Variants in WDR18 observed in about 807,000 individuals in gnomAD.
WDR18 encodes WD repeat domain 18, also known as WD repeat-containing protein 18.
A neutral mutation model predicts 49.6 loss-of-function variants in WDR18; 33 were observed. The observed-to-expected ratio is 0.67, with a 90% CI of 0.50 to 0.89. WDR18 has a LOEUF of 0.89. Ranked by LOEUF, WDR18 falls within the 40% of genes least tolerant of loss-of-function variation. The probability of loss-of-function intolerance (pLI) is 0.00; values close to 1 mark genes in which losing one functional copy is unlikely to be tolerated. For synonymous variants in WDR18, 315 were observed against 263.6 expected, an observed-to-expected ratio of 1.19 and a Z score of -1.89; for missense variants, 653 against 593.6, an observed-to-expected ratio of 1.10 and a Z score of -1.04.
intron 8 of WDR18, among the ~76,000 whole-genome samples, chr19:993,708 G>A (rs1020769826): frequency 7.8e-6 from 1 of 128,648 alleles, no homozygotes; most frequent in Admixed American, 7.9e-5. Flanking sequence ...CTGGGCTTGC[G>A]GGTCCTTCCA....
intron 8 of WDR18, among the ~76,000 whole-genome samples, chr19:992,935 C>T (rs1181208301): frequency 2.0e-5 from 3 of 152,372 alleles, no homozygotes; most frequent in Non-Finnish European, 2.9e-5. Flanking sequence ...ATTTTTTTAT[C>T]TGGAGGGTGC....
At chr19:989,625 C>A in intron 2 of WDR18, 137 bp from the exon 3 acceptor site, 1 of 1,299,114 alleles carries the variant, frequency 7.7e-7, no homozygotes, top group Non-Finnish European at 1.0e-6. Flanking sequence ...CAGGGTCACC[C>A]CGCAGTCCTG....
In WDR18 at chr19:991,356, G is replaced by C. The variant is rs1260213363; in HGVS notation, c.931+5G>C. 6.5e-7 allele frequency: 1 copy of C among 1,548,640 alleles called. No homozygotes were observed. The highest frequency in any genetic ancestry group is 1.4e-5 in the African/African-American group (1 of 72,752). ...TCCGGACGGTGGCCCTCAAAGGTGG[G>C]CGCGCCTCTGCTCGGCCCGCGGCCA... On this transcript the variant is annotated splice_donor_5th_base_variant and intron_variant, in intron 7 of 9. Transcript: ENST00000585809.
chr19:989,968 C>G, intron 3 of WDR18, 73 bp downstream of exon 3: 2 of 1,526,690 alleles, frequency 1.3e-6, no homozygotes, highest in African/African-American at 1.4e-5. Flanking sequence ...GGCGCCAAGG[C>G]CCCTGGCGGG....
chr19:991,401 A>G, intron 7 of WDR18, 50 bp downstream of exon 7: 1 of 1,293,480 alleles, frequency 7.7e-7, no homozygotes. Flanking sequence ...GGAAAAAGCC[A>G]GCAGGAGCTC....
chr19:993,395 C>T (rs376169937), intron 8 of WDR18, among the ~76,000 whole-genome samples: 1 of 152,246 alleles, frequency 6.6e-6, no homozygotes, highest in African/African-American at 2.4e-5. Flanking sequence ...ATGCCGCCAC[C>T]TTTCCCTAGC....
At chr19:983,776 A>C (rs1386986829), upstream of WDR18, among the ~76,000 whole-genome samples, 1 of 151,030 alleles carries the variant, frequency 6.6e-6, no homozygotes, top group Non-Finnish European at 1.5e-5. Context: ...GCGGTGGCTC[A>C]CGCCTGTAAT....
intron 2 of WDR18, among the ~76,000 whole-genome samples, chr19:986,511 C>A (rs545627801): frequency 6.6e-6 from 1 of 152,294 alleles, no homozygotes; most frequent in South Asian, 2.1e-4. Flanking sequence ...TCAGGTGATC[C>A]ACCCGCCTCG....
chr19:990,266 G>T lies in WDR18; in HGVS notation c.499G>T (p.Val167Phe). ...DPSRIPAPRH[V>F]WSHHALPITD... ...CTCCAGGATTCCGGCGCCCAGGCACGTCTGGTCTCACCACGCGCTCCCCAT... is the reference window on the plus strand; with the variant it reads ...CTCCAGGATTCCGGCGCCCAGGCACTTCTGGTCTCACCACGCGCTCCCCAT... The change falls in exon 4 of 10, where the codon GTC (valine) becomes TTC (phenylalanine). Residue 167 changes from valine (V) to phenylalanine (F), a missense_variant. Val to Phe is a conservative substitution (Grantham distance 50, BLOSUM62 -1). Coordinates refer to ENST00000585809, the MANE Select transcript of WDR18 (RefSeq NM_024100.4). 6.3e-7 allele frequency: 1 copy of T among 1,599,374 alleles called. No homozygotes were observed.
intron 1 of WDR18, among the ~76,000 whole-genome samples, chr19:985,512 C>G (rs1242888439): frequency 6.6e-6 from 1 of 152,082 alleles, no homozygotes; most frequent in Non-Finnish European, 1.5e-5. Flanking sequence ...GGCTTGGGGT[C>G]TTAGGTTGGA....
At chr19:989,285 C>A (rs981589049) in intron 2 of WDR18, among the ~76,000 whole-genome samples, 9 of 151,960 alleles carry the variant, frequency 5.9e-5, no homozygotes, top group East Asian at 3.9e-4. Flanking sequence ...TCCCTGTCCT[C>A]TTCCTCAGAT....
chr19:991,002 G>T lies in WDR18; in HGVS notation c.741+7G>T, dbSNP rs1392126846. Reference sequence around the variant, plus strand: ...GGTCGACCTCTTCACCTGGGTGAGTGCCGCGGTCTGCGGGCTGCACCCTGC... The same window carrying T: ...GGTCGACCTCTTCACCTGGGTGAGTTCCGCGGTCTGCGGGCTGCACCCTGC... On this transcript the variant is annotated splice_region_variant and intron_variant, in intron 5 of 9. Coordinates refer to ENST00000585809, the MANE Select transcript of WDR18 (RefSeq NM_024100.4). 6.2e-7 allele frequency: 1 copy of T among 1,604,710 alleles called. No homozygotes were observed. The highest frequency in any genetic ancestry group is 8.5e-7 in the Non-Finnish European group (1 of 1,175,274).
intron 1 of WDR18, 126 bp downstream of exon 1, chr19:984,689 C>T (rs998620406): frequency 6.6e-6 from 7 of 1,060,420 alleles, no homozygotes; most frequent in South Asian, 3.9e-5. Context: ...GGTCTCCGTT[C>T]GGGCGCTCTG....
In WDR18 at chr19:990,294, C is replaced by T. The variant is rs567097580; in HGVS notation, c.527C>T (p.Thr176Met). ...HVWSHHALPI[T>M]DLHCGFGGPL... The stretch of plus-strand genomic sequence containing the variant: ...TGGTCTCACCACGCGCTCCCCATCA[C>T]GGACCTGCACTGCGGCTTTGGGGGC... The change falls in exon 4 of 10, where the codon ACG (threonine) becomes ATG (methionine). Residue 176 changes from threonine (T) to methionine (M), a missense_variant. Transcript: ENST00000585809. 1.2e-5 allele frequency: 19 copies of T among 1,598,842 alleles called. No individual in the cohort carries two copies. In the African/African-American group the frequency reaches 1.5e-4, roughly 12 times the overall value.
intron 2 of WDR18, among the ~76,000 whole-genome samples, chr19:986,873 G>A (rs774810329): frequency 6.6e-6 from 1 of 152,098 alleles, no homozygotes; most frequent in Non-Finnish European, 1.5e-5. Context: ...ATTATATTTC[G>A]GGGGAGACCT....
chr19:993,619 G>T (rs886126887), intron 8 of WDR18, among the ~76,000 whole-genome samples: 1 of 152,218 alleles, frequency 6.6e-6, no homozygotes, highest in Non-Finnish European at 1.5e-5. Flanking sequence ...GCCTTGCTGG[G>T]CCGGCCAGGC....
chr19:984,637 C>T, intron 1 of WDR18, 74 bp downstream of exon 1: 1 of 1,325,798 alleles, frequency 7.5e-7, no homozygotes, highest in Non-Finnish European at 9.8e-7. Context: ...TTGGTGGGGG[C>T]CGCGTGCACC....
At chr19:987,416 G>A (rs1437989211) in intron 2 of WDR18, among the ~76,000 whole-genome samples, 3 of 152,138 alleles carry the variant, frequency 2.0e-5, no homozygotes, top group African/African-American at 7.2e-5. Flanking sequence ...CAGGACACGT[G>A]TGTATGTATT....
At chr19:990,106 G>T in intron 3 of WDR18, 117 bp from the exon 4 acceptor site, 1 of 1,403,986 alleles carries the variant, frequency 7.1e-7, no homozygotes, top group Non-Finnish European at 9.4e-7. Context: ...TTACTCAGGT[G>T]AGGCAGGCCA....
Sources: gnomAD v4.1 joint callset for allele counts (sites outside exome capture counted in the v4.1 genomes callset) on GRCh38, gnomAD v4.1.1 for gene constraint, MANE v1.5 for transcripts, NCBI Gene and HGNC (gene_info 2026-07-23, HGNC 2026-07-21) for gene names.